Variants in ZNF544 observed in about 807,000 individuals in gnomAD.
ZNF544 encodes the protein zinc finger protein AF020591.
In ZNF544, 10 loss-of-function variants were observed where a neutral mutation model predicts 13.5. The observed-to-expected ratio is 0.74, with a 90% CI of 0.46 to 1.25. ZNF544 has a LOEUF of 1.25. Among genes scored for constraint, ZNF544 ranks in the 50% most tolerant of loss-of-function variants. ZNF544 has a pLI of 0.00. For synonymous variants in ZNF544, 323 were observed against 300.5 expected (o/e 1.07, Z -0.77); for missense variants, 896 against 845.6 (o/e 1.06, Z -0.74).
rs746975905 is a variant in ZNF544 at position 58,236,882 on chromosome 19, C to G, written c.-60+6420C>G. The stretch of plus-strand genomic sequence containing the variant: ...TCAGCCTCCCAAGTAGCTGAGACTA[C>G]AGGTGCGCGCCACCATGCCCAGCTA... On this transcript the variant is annotated intron_variant, in intron 3 of 6. Coordinates refer to ENST00000687789, the MANE Select transcript of ZNF544 (RefSeq NM_014480.4). Among the ~76,000 whole-genome samples the G allele has an allele frequency of 5.9e-4, 90 of 151,620 alleles. 1 individual carries two copies. The highest frequency in any genetic ancestry group is 7.9e-4 in the Admixed American group (12 of 15,192).
At chr19:58,232,688 G>C (rs1343651089) in intron 3 of ZNF544, among the ~76,000 whole-genome samples, 1 of 150,782 alleles carries the variant, frequency 6.6e-6, no homozygotes, top group Non-Finnish European at 1.5e-5. Context: ...CCAGCACTTT[G>C]GGAGGCCGAG....
chr19:58,229,316 T>TGGGTGGGCCC (rs2040677562), intron 1 of ZNF544, 152 bp from the exon 2 acceptor site: 1 of 32,550 alleles, frequency 3.1e-5, no homozygotes, highest in Non-Finnish European at 6.4e-5. Flanking sequence ...TGGGTGGGAC[T>TGGGTGGGCCC]GGGTGGGCCC....
intron 5 of ZNF544, among the ~76,000 whole-genome samples, chr19:58,272,910 G>T (rs968622330): frequency 2.6e-5 from 4 of 151,388 alleles, no homozygotes; most frequent in Non-Finnish European, 5.9e-5. Flanking sequence ...AAGGCCGGGC[G>T]CGGTGGCTCA....
At chr19:58,266,298 C>T (rs2049884344), downstream of ZNF544, among the ~76,000 whole-genome samples, 1 of 144,942 alleles carries the variant, frequency 6.9e-6, no homozygotes, top group African/African-American at 2.5e-5. Context: ...GAGGGTGGAT[C>T]ACGAGGTCAG....
intron 6 of ZNF544, among the ~76,000 whole-genome samples, chr19:58,256,396 A>G (rs1568488783): frequency 2.6e-5 from 4 of 152,154 alleles, no homozygotes; most frequent in Admixed American, 2.0e-4. Context: ...GCTAATGCTC[A>G]AAATTCTCTC....
chr19:58,233,988 T>C (rs1468179658), intron 3 of ZNF544, among the ~76,000 whole-genome samples: 9 of 152,224 alleles, frequency 5.9e-5, no homozygotes, highest in Non-Finnish European at 2.9e-5. Context: ...TTCTATTGCA[T>C]AACTGATTAT....
chr19:58,274,589 C>T (rs2051073051), intron 5 of ZNF544, among the ~76,000 whole-genome samples: 1 of 152,160 alleles, frequency 6.6e-6, no homozygotes, highest in Non-Finnish European at 1.5e-5. Context: ...AAATTTATGT[C>T]GTTTAAGCCA....
chr19:58,232,068 G>A (rs532377286), intron 3 of ZNF544, among the ~76,000 whole-genome samples: 1 of 151,746 alleles, frequency 6.6e-6, no homozygotes, highest in African/African-American at 2.4e-5. Context: ...TCTTGAACTT[G>A]AAAACTAATA....
intron 3 of ZNF544, among the ~76,000 whole-genome samples, chr19:58,239,265 T>C (rs544726144): frequency 8.2e-4 from 125 of 152,286 alleles, no homozygotes; most frequent in Middle Eastern, 6.8e-3. Flanking sequence ...CCCCATGAGC[T>C]GTAGAATGTT....
At chr19:58,250,418 GC>G (rs1568480586) in intron 6 of ZNF544, among the ~76,000 whole-genome samples, 1 of 152,212 alleles carries the variant, frequency 6.6e-6, no homozygotes, top group Non-Finnish European at 1.5e-5. Context: ...TATGATCATA[GC>G]TAGTGGGCTT....
intron 6 of ZNF544, chr19:58,257,272 A>C (rs946082384): frequency 6.6e-6 from 1 of 152,246 alleles, no homozygotes; most frequent in Admixed American, 6.5e-5. Flanking sequence ...AAGCAACAAA[A>C]GAAGCAACAA....
chr19:58,255,270 A>G (rs1426288628), intron 6 of ZNF544, among the ~76,000 whole-genome samples: 1 of 143,850 alleles, frequency 7.0e-6, no homozygotes, highest in East Asian at 2.1e-4. Flanking sequence ...CCGCCTCCCG[A>G]GTTCAAGCAG....
rs1325549930 is a variant in ZNF544 at position 58,261,768 on chromosome 19, T to C, written c.1162T>C (p.Ser388Pro). 5.0e-6 allele frequency: 8 copies of C among 1,613,806 alleles called. No individual in the cohort carries two copies. Among genetic ancestry groups the C allele is most frequent in the Non-Finnish European group, 6.8e-6 (8 of 1,179,990 alleles). The change falls in exon 7 of 7, where the codon TCT becomes CCT. Residue 388 changes from serine (S) to proline (P), a missense_variant. Physicochemically the swap from Ser to Pro is moderately conservative, Grantham distance 74. Coordinates refer to ENST00000687789, the MANE Select transcript of ZNF544 (RefSeq NM_014480.4). ...KPFECTQCGK[S>P]FSQSYDLVIH... ...CTTCGAATGTACTCAGTGTGGGAAA[T>C]CTTTTAGCCAGAGCTATGACCTTGT...
chr19:58,235,985 A>G (rs1003898805), intron 3 of ZNF544, among the ~76,000 whole-genome samples: 4 of 151,206 alleles, frequency 2.6e-5, no homozygotes, highest in Admixed American at 1.3e-4. Flanking sequence ...GCTTGAACCC[A>G]GGAGGTGGAG....
At chr19:58,253,116 C>T (rs556826387) in intron 6 of ZNF544, among the ~76,000 whole-genome samples, 1 of 152,348 alleles carries the variant, frequency 6.6e-6, no homozygotes, top group South Asian at 2.1e-4. Flanking sequence ...CCGCACCCAA[C>T]CCATAATCCT....
chr19:58,234,504 A>C (rs997818116), intron 3 of ZNF544, among the ~76,000 whole-genome samples: 2 of 152,244 alleles, frequency 1.3e-5, no homozygotes, highest in Non-Finnish European at 2.9e-5. Flanking sequence ...GGAGCCTGGC[A>C]CTTGGAGTGA....
At chr19:58,240,330 T>A (rs1173879992) in intron 3 of ZNF544, among the ~76,000 whole-genome samples, 1 of 151,660 alleles carries the variant, frequency 6.6e-6, no homozygotes, top group Non-Finnish European at 1.5e-5. Context: ...TGATCTCTGC[T>A]CACTGCAAGC....
chr19:58,271,370 G>C (rs1198168121), intron 5 of ZNF544, among the ~76,000 whole-genome samples: 1 of 152,034 alleles, frequency 6.6e-6, no homozygotes, highest in Non-Finnish European at 1.5e-5. Context: ...GGGAGGCTGA[G>C]GCAGGTGGAT....
At chr19:58,265,214 A>G (rs911088723), downstream of ZNF544, among the ~76,000 whole-genome samples, 1 of 152,178 alleles carries the variant, frequency 6.6e-6, no homozygotes, top group Non-Finnish European at 1.5e-5. Context: ...TCCACTCAGC[A>G]ACATGTTTCC....
Sources: allele counts gnomAD v4.1 joint callset (sites outside exome capture counted in the v4.1 genomes callset), GRCh38; gene constraint gnomAD v4.1.1; transcripts MANE v1.5; gene names NCBI Gene and HGNC (gene_info 2026-07-23, HGNC 2026-07-21).